Variants in DLG2 observed in about 807,000 individuals in gnomAD.
DLG2 encodes the protein disks large homolog 2.
Under a neutral mutation model 132.5 loss-of-function variants are expected in DLG2, and 45 were observed. The observed-to-expected ratio is 0.34, with a 90% CI of 0.27 to 0.44. The LOEUF is 0.44. Among genes scored for constraint, DLG2 ranks in the 20% least tolerant of loss-of-function variants. The pLI, the probability that DLG2 is intolerant of heterozygous loss-of-function variation, is 1.00. For synonymous variants in DLG2, 424 were observed against 419.6 expected (o/e 1.01, Z -0.13); for missense variants, 1,045 against 1,196.9 (o/e 0.87, Z 1.87).
At chr11:85,106,037 C>T (rs948800447) in intron 6 of DLG2, among the ~76,000 whole-genome samples, 1 of 151,080 alleles carries the variant, frequency 6.6e-6, no homozygotes, top group Non-Finnish European at 1.5e-5. Flanking sequence ...ATAGCTTATG[C>T]ACACTGTATT....
intron 3 of DLG2, among the ~76,000 whole-genome samples, chr11:85,358,324 A>G (rs1229326204): frequency 1.3e-5 from 2 of 152,162 alleles, no homozygotes; most frequent in African/African-American, 4.8e-5. Context: ...CTCTCTTTCT[A>G]CCAGGTTTCC....
intron 8 of DLG2, among the ~76,000 whole-genome samples, chr11:84,214,130 G>A (rs190793659): frequency 2.0e-5 from 3 of 148,128 alleles, no homozygotes; most frequent in African/African-American, 7.6e-5. Flanking sequence ...GAAAAATGAT[G>A]ATGAATATTT....
At chr11:84,328,488 CT>C (rs1344719868) in intron 7 of DLG2, among the ~76,000 whole-genome samples, 1 of 152,110 alleles carries the variant, frequency 6.6e-6, no homozygotes, top group Non-Finnish European at 1.5e-5. Flanking sequence ...CCACTGAGGC[CT>C]CCTTGAAGTA....
chr11:83,725,105 G>T, intron 18 of DLG2: 4 of 542,120 alleles, frequency 7.4e-6, no homozygotes, highest in Non-Finnish European at 1.0e-5. Flanking sequence ...TTGAAAGATG[G>T]GATTATTTTC....
At chr11:83,778,683 GT>G (rs1420247277) in intron 18 of DLG2, among the ~76,000 whole-genome samples, 2 of 152,104 alleles carry the variant, frequency 1.3e-5, no homozygotes, top group Non-Finnish European at 2.9e-5. Context: ...GAGTTAGGAA[GT>G]GATACCTGCT....
intron 8 of DLG2, among the ~76,000 whole-genome samples, chr11:84,209,407 G>A (rs1474282724): frequency 1.3e-5 from 2 of 152,138 alleles, no homozygotes; most frequent in Non-Finnish European, 2.9e-5. Flanking sequence ...AATTCCAGAA[G>A]AGAAAGTATA....
intron 5 of DLG2, among the ~76,000 whole-genome samples, chr11:85,141,115 T>C (rs1387236847): frequency 6.6e-6 from 1 of 151,834 alleles, no homozygotes; most frequent in Non-Finnish European, 1.5e-5. Context: ...TATGGTAATT[T>C]CTATTTTTAA....
At chr11:83,807,474 C>T (rs1288288404) in intron 17 of DLG2, among the ~76,000 whole-genome samples, 1 of 152,180 alleles carries the variant, frequency 6.6e-6, no homozygotes, top group Non-Finnish European at 1.5e-5. Context: ...GTGAACGGAG[C>T]TGCAAAGCCA....
chr11:84,802,754 AG>A (rs1326741874), intron 6 of DLG2, among the ~76,000 whole-genome samples: 1 of 151,918 alleles, frequency 6.6e-6, no homozygotes, highest in Non-Finnish European at 1.5e-5. Context: ...GGATGAAAGT[AG>A]AAAAAAGCAA....
chr11:84,749,083 T>C (rs1481272861), intron 6 of DLG2, among the ~76,000 whole-genome samples: 7 of 152,156 alleles, frequency 4.6e-5, no homozygotes, highest in Non-Finnish European at 1.0e-4. Flanking sequence ...GAGATGATCT[T>C]TCAAGCTTTA....
intron 6 of DLG2, among the ~76,000 whole-genome samples, chr11:84,550,841 C>G (rs531969): frequency 5.3e-5 from 8 of 152,194 alleles, no homozygotes; most frequent in Admixed American, 5.2e-4. Context: ...AAGCAAAAAT[C>G]TGTGACTCTG....
chr11:84,158,356 C>G (rs1596330769), intron 9 of DLG2, among the ~76,000 whole-genome samples: 1 of 152,266 alleles, frequency 6.6e-6, no homozygotes, highest in South Asian at 2.1e-4. Context: ...AGCCACCGCC[C>G]CTGGCCTATT....
At chr11:84,485,750 C>T (rs978011329) in intron 7 of DLG2, among the ~76,000 whole-genome samples, 1 of 152,136 alleles carries the variant, frequency 6.6e-6, no homozygotes, top group South Asian at 2.1e-4. Context: ...ATTGGGTACT[C>T]ATTAAATGTT....
chr11:84,197,262 G>A (rs1048627393), intron 8 of DLG2, among the ~76,000 whole-genome samples: 3 of 151,994 alleles, frequency 2.0e-5, no homozygotes, highest in African/African-American at 7.3e-5. Context: ...TCCTTTGAAT[G>A]GGTCCCTAAT....
At chr11:84,949,440 T>C (rs1403433363) in intron 6 of DLG2, among the ~76,000 whole-genome samples, 1 of 150,628 alleles carries the variant, frequency 6.6e-6, no homozygotes, top group African/African-American at 2.4e-5. Flanking sequence ...AATTTCCTCT[T>C]CCTAATAAGC....
At chr11:85,388,833 CA>C (rs913541045) in intron 3 of DLG2, among the ~76,000 whole-genome samples, 1 of 152,000 alleles carries the variant, frequency 6.6e-6, no homozygotes, top group Non-Finnish European at 1.5e-5. Flanking sequence ...CGCCATGGGA[CA>C]AAAAAATCGG....
intron 18 of DLG2, among the ~76,000 whole-genome samples, chr11:83,713,378 C>G (rs980118310): frequency 6.6e-6 from 1 of 152,150 alleles, no homozygotes; most frequent in Admixed American, 6.5e-5. Flanking sequence ...GCATAAAAGA[C>G]GGATTTCCAG....
chr11:84,497,056 T>TG (rs1208460076), intron 7 of DLG2, among the ~76,000 whole-genome samples: 1 of 152,158 alleles, frequency 6.6e-6, no homozygotes, highest in Admixed American at 6.5e-5. Context: ...ACTTAAACTC[T>TG]GACTCCCACT....
At chr11:85,056,366 G>A (rs1235032241) in intron 6 of DLG2, among the ~76,000 whole-genome samples, 3 of 152,002 alleles carry the variant, frequency 2.0e-5, no homozygotes, top group East Asian at 1.9e-4. Context: ...AATTCAATAA[G>A]TGAAATTCAG....
Sources: gnomAD v4.1 joint callset for allele counts (sites outside exome capture counted in the v4.1 genomes callset) on GRCh38, gnomAD v4.1.1 for gene constraint, MANE v1.5 for transcripts, NCBI Gene and HGNC (gene_info 2026-07-23, HGNC 2026-07-21) for gene names.